Variants in DYNC2H1 observed in about 807,000 individuals in gnomAD.
DYNC2H1 encodes cytoplasmic dynein 2 heavy chain 1.
Under a neutral mutation model 570.0 loss-of-function variants are expected in DYNC2H1, and 410 were observed. The observed-to-expected ratio is 0.72, with a 90% CI of 0.66 to 0.78. The LOEUF (loss-of-function observed/expected upper bound fraction) is 0.78, where lower values mean the gene tolerates loss of function less well. DYNC2H1 is among the 30% of genes least tolerant of loss of function. The pLI is 0.00. For missense variants in DYNC2H1, 4,865 were observed against 5,046.4 expected (o/e 0.96, Z 1.09); for synonymous variants, 1,688 against 1,677.6 (o/e 1.01, Z -0.15).
Position 103,358,295 on chromosome 11 carries a change from T to C in DYNC2H1, c.12092T>C (p.Phe4031Ser). Residue 4031 changes from phenylalanine to serine, a missense_variant, in exon 83 of 89, where the codon TTT becomes TCT. By Grantham distance (155) the Phe-to-Ser change is radical. This residue lies in a region of DYNC2H1 where 2,401 missense variants were observed against 2,454.6 expected (regional missense o/e 0.98). Coordinates refer to ENST00000375735, the MANE Select transcript of DYNC2H1 (RefSeq NM_001377.3). The part of the protein sequence containing the change: ...LGRSITAGSK[F>S]DREIWSNELS... Reference sequence around the variant, plus strand: ...AGATCCATAACAGCTGGTTCCAAATTTGATAGAGAAATCTGGTCTAATGAA... The same window carrying C: ...AGATCCATAACAGCTGGTTCCAAATCTGATAGAGAAATCTGGTCTAATGAA... 6.3e-7 allele frequency: 1 copy of C among 1,594,568 alleles called. No individual in the cohort carries two copies. Among genetic ancestry groups the C allele is most frequent in the Non-Finnish European group, 8.6e-7 (1 of 1,169,482 alleles).
chr11:103,292,544 T>G (rs1866658804), intron 75 of DYNC2H1, among the ~76,000 whole-genome samples: 1 of 152,226 alleles, frequency 6.6e-6, no homozygotes. Flanking sequence ...TGATATACTT[T>G]GAATATACGT....
chr11:103,155,326 A>G lies in DYNC2H1; in HGVS notation c.3574-5A>G, dbSNP rs774546022. 6.3e-7 allele frequency: 1 copy of G among 1,584,554 alleles called. No homozygotes were observed. The highest frequency in any genetic ancestry group is 1.2e-5 in the South Asian group (1 of 84,068). On this transcript the variant is annotated splice_polypyrimidine_tract_variant and splice_region_variant and intron_variant, in intron 24 of 88. Coordinates refer to ENST00000375735, the MANE Select transcript of DYNC2H1 (RefSeq NM_001377.3). ...ATGACTTTTTCTTTTTTTTTTTTGT[A>G]ACAGATCGTAATTCCTATCTTGAAA...
At chr11:103,449,552 CAACCACGTAATCAATA>C (rs1944529830) in intron 85 of DYNC2H1, among the ~76,000 whole-genome samples, 1 of 152,154 alleles carries the variant, frequency 6.6e-6, no homozygotes, top group Non-Finnish European at 1.5e-5. Flanking sequence ...GTCTTACACT[CAACCACGTAATCAATA>C]AGCCAAGAGT....
At chr11:103,412,793 A>C (rs184626722) in intron 84 of DYNC2H1, among the ~76,000 whole-genome samples, 7 of 152,346 alleles carry the variant, frequency 4.6e-5, no homozygotes, top group Non-Finnish European at 1.0e-4. Flanking sequence ...CTTTCTTAAA[A>C]TATGTTCATA....
rs553743419 is a variant in DYNC2H1, at chr11:103,280,172, G to T, written c.10696-176G>T. ...ACTTACTTACTCTGACCCCACCCCT[G>T]ACTTGAAGTGTCTCTAAGATGTAGA... On this transcript the variant is annotated intron_variant, in intron 70 of 88. Coordinates refer to ENST00000375735, the MANE Select transcript of DYNC2H1 (RefSeq NM_001377.3). This position sits in a 1 kb window ranked among gnomAD's most constrained non-coding sequence, Gnocchi z 4.7. Among the ~76,000 whole-genome samples, 1 of 152,156 alleles carries T rather than the reference G, an allele frequency of 6.6e-6. No homozygotes were observed. Among genetic ancestry groups the T allele is most frequent in the Admixed American group, 6.5e-5 (1 of 15,280 alleles).
In DYNC2H1 at chr11:103,159,054, T is replaced by A. The variant is rs768817339; in HGVS notation, c.4378+27T>A. The A allele has an allele frequency of 7.0e-6, 11 of 1,563,144 alleles. No homozygotes were observed. The African/African-American group carries it at 1.1e-4, about 15-fold the overall frequency. On this transcript the variant is annotated intron_variant, in intron 28 of 88. Coordinates refer to ENST00000375735, the MANE Select transcript of DYNC2H1 (RefSeq NM_001377.3). ...TAGGATTCAACATTTATTTAACAGA[T>A]ATTTATTGAGTTTCAACTGTCTGCC...
intron 20 of DYNC2H1, 39 bp from the exon 21 acceptor site, chr11:103,152,097 G>C (rs1162858975): frequency 1.6e-5 from 24 of 1,465,332 alleles, no homozygotes; most frequent in Non-Finnish European, 2.0e-5. Flanking sequence ...TGATAAAATA[G>C]GTTGTTATTC....
intron 83 of DYNC2H1, among the ~76,000 whole-genome samples, chr11:103,379,065 G>A (rs770594579): frequency 3.9e-5 from 6 of 152,166 alleles, no homozygotes; most frequent in Non-Finnish European, 5.9e-5. Context: ...GTTCGCTGCT[G>A]CCTATGGCTA....
chr11:103,194,639 A>G (rs1862447494), intron 47 of DYNC2H1, among the ~76,000 whole-genome samples: 1 of 152,134 alleles, frequency 6.6e-6, no homozygotes. Context: ...GAACTTGAAC[A>G]TCTTTTTGTG....
intron 80 of DYNC2H1, among the ~76,000 whole-genome samples, chr11:103,317,709 A>G (rs313409): frequency 0.071 from 9,724 of 137,390 alleles, 464 homozygotes; most frequent in East Asian, 0.25. Context: ...AAACTTTCAT[A>G]TGGCCTTCTT....
chr11:103,409,867 G>A (rs1172158843), intron 84 of DYNC2H1, among the ~76,000 whole-genome samples: 1 of 150,574 alleles, frequency 6.6e-6, no homozygotes, highest in Non-Finnish European at 1.5e-5. Context: ...GAAGGTATAA[G>A]GGTTTGTCTT....
Position 103,324,955 on chromosome 11 carries a change from A to G in DYNC2H1, c.12039+965A>G, listed in dbSNP as rs189048999. Among the ~76,000 whole-genome samples the G allele has an allele frequency of 2.7e-3, 416 of 152,266 alleles. No homozygotes were observed. The highest frequency in any genetic ancestry group is 4.9e-3 in the Non-Finnish European group (333 of 68,022). On this transcript the variant is annotated intron_variant, in intron 82 of 88. Transcript: ENST00000375735. The surrounding 1 kb of genome is among the most constrained non-coding windows in gnomAD (Gnocchi z 5.2). ...TTGTGGTTTTGATTTGCATTTCTCT[A>G]ATGATCACAATGTCAAATATTTTTT...
intron 88 of DYNC2H1, among the ~76,000 whole-genome samples, chr11:103,471,766 G>T (rs1945396986): frequency 6.6e-6 from 1 of 152,148 alleles, no homozygotes; most frequent in African/African-American, 2.4e-5. Flanking sequence ...GATTTCTCCT[G>T]CAGAGTCTTC....
intron 84 of DYNC2H1, among the ~76,000 whole-genome samples, chr11:103,429,178 C>T (rs1943796989): frequency 6.6e-6 from 1 of 151,808 alleles, no homozygotes; most frequent in Non-Finnish European, 1.5e-5. Flanking sequence ...GGAGGATCAC[C>T]TGAGCCTGGG....
intron 83 of DYNC2H1, among the ~76,000 whole-genome samples, chr11:103,367,715 A>G (rs892481246): frequency 6.6e-6 from 1 of 152,120 alleles, no homozygotes; most frequent in East Asian, 1.9e-4. Flanking sequence ...TATTCCTTAT[A>G]TCTAATTATA....
At chr11:103,345,505 G>A (rs1461260590) in intron 82 of DYNC2H1, among the ~76,000 whole-genome samples, 1 of 152,134 alleles carries the variant, frequency 6.6e-6, no homozygotes, top group Non-Finnish European at 1.5e-5. Context: ...CTTTATTGTT[G>A]CCAGTCTGGT....
At position 103,215,825 on chromosome 11, in the gene DYNC2H1, T is replaced by C. The variant is rs1863357437; in HGVS notation, c.8799T>C (p.Asp2933=). The part of the protein sequence containing the change: ...VLLKTKQDEA[D]AALQMITVSM... ...TTAAAACGAAGCAAGATGAAGCAGA[T>C]GCTGCCCTTCAAATGATCACAGTGT... is the stretch of plus-strand genomic sequence containing the variant. Residue 2933 remains aspartate (D), a synonymous_variant, in exon 55 of 89, where the codon GAT becomes GAC. Transcript: ENST00000375735. 6.2e-7 allele frequency: 1 copy of C among 1,612,756 alleles called. No individual in the cohort carries two copies. Among genetic ancestry groups the C allele is most frequent in the East Asian group, 2.2e-5 (1 of 44,746 alleles).
At chr11:103,396,935 G>C (rs1013264499) in intron 83 of DYNC2H1, among the ~76,000 whole-genome samples, 5 of 152,114 alleles carry the variant, frequency 3.3e-5, no homozygotes, top group Non-Finnish European at 7.4e-5. Flanking sequence ...GGTACACATG[G>C]ACATACAAAG....
At chr11:103,286,408 ATGC>A (rs1167360108) in intron 74 of DYNC2H1, 22 bp downstream of exon 74, 2 of 1,605,334 alleles carry the variant, frequency 1.2e-6, no homozygotes, top group African/African-American at 2.7e-5. Flanking sequence ...TGTTATCTAA[ATGC>A]AAAAAAGTGT....
Sources: gnomAD v4.1 joint callset for allele counts (sites outside exome capture counted in the v4.1 genomes callset) on GRCh38, gnomAD v4.1.1 for gene constraint, gnomAD v4.1.1 regional missense constraint, Gnocchi (gnomAD v3.1) non-coding constraint, MANE v1.5 for transcripts, NCBI Gene and HGNC (gene_info 2026-07-23, HGNC 2026-07-21) for gene names.